Variants in TBC1D22A observed in about 807,000 individuals in gnomAD.
TBC1D22A encodes TBC1 domain family member 22A, also known as putative GTPase activator.
A neutral mutation model predicts 60.2 loss-of-function variants in TBC1D22A; 38 were observed. The ratio of observed to expected loss-of-function variants is 0.63; its 90% CI spans 0.49 to 0.83. The LOEUF is 0.83. Among genes scored for constraint, TBC1D22A ranks in the 40% least tolerant of loss-of-function variants. The pLI is 0.00. For synonymous variants in TBC1D22A, 302 were observed against 281.7 expected, an observed-to-expected ratio of 1.07 and a Z score of -0.72; for missense variants, 628 against 701.0, an observed-to-expected ratio of 0.90 and a Z score of 1.18.
chr22:47,114,314 G>A (rs1179375828), intron 12 of TBC1D22A, among the ~76,000 whole-genome samples: 1 of 152,042 alleles, frequency 6.6e-6, no homozygotes, highest in East Asian at 1.9e-4. Flanking sequence ...AGCCTGTGGG[G>A]CCCCTGTGAC....
At chr22:47,062,260 C>G (rs1050771373) in intron 11 of TBC1D22A, among the ~76,000 whole-genome samples, 2 of 152,102 alleles carry the variant, frequency 1.3e-5, no homozygotes, top group Admixed American at 1.3e-4. Context: ...AGGCCCTACC[C>G]AGGCCTCCTG....
intron 12 of TBC1D22A, among the ~76,000 whole-genome samples, chr22:47,170,634 C>T (rs1196794115): frequency 6.6e-6 from 1 of 150,486 alleles, no homozygotes; most frequent in East Asian, 2.0e-4. Context: ...TGATGCAGGA[C>T]CGGAGAGAGG....
At chr22:46,980,797 A>G (rs1325828984) in intron 9 of TBC1D22A, among the ~76,000 whole-genome samples, 1 of 152,262 alleles carries the variant, frequency 6.6e-6, no homozygotes, top group East Asian at 1.9e-4. Context: ...ATCTCCAGAA[A>G]GATGAGTTGA....
At chr22:46,766,154 C>G (rs1309460047) in intron 1 of TBC1D22A, among the ~76,000 whole-genome samples, 1 of 152,032 alleles carries the variant, frequency 6.6e-6, no homozygotes, top group African/African-American at 2.4e-5. Flanking sequence ...CCTGCCACCA[C>G]ACCTGGCTAA....
intron 9 of TBC1D22A, among the ~76,000 whole-genome samples, chr22:46,978,320 A>G (rs899095621): frequency 6.6e-6 from 1 of 152,268 alleles, no homozygotes. Flanking sequence ...TCAAATAGAG[A>G]AAATTAAAAA....
intron 4 of TBC1D22A, among the ~76,000 whole-genome samples, chr22:46,805,400 A>G (rs913452475): frequency 6.6e-6 from 1 of 152,214 alleles, no homozygotes; most frequent in Admixed American, 6.5e-5. Context: ...AACAAATTCA[A>G]AAGTTAAGTT....
intron 8 of TBC1D22A, among the ~76,000 whole-genome samples, chr22:46,959,057 G>A (rs1014663922): frequency 6.6e-6 from 1 of 152,200 alleles, no homozygotes; most frequent in Non-Finnish European, 1.5e-5. Flanking sequence ...TTATGAGAAT[G>A]TGTGCTCCCG....
intron 9 of TBC1D22A, among the ~76,000 whole-genome samples, chr22:46,989,478 T>C (rs2074852351): frequency 6.6e-6 from 1 of 152,210 alleles, no homozygotes; most frequent in Non-Finnish European, 1.5e-5. Flanking sequence ...AACACTTGAC[T>C]TAACCCATTG....
chr22:46,935,953 G>A (rs183790345), intron 8 of TBC1D22A, among the ~76,000 whole-genome samples: 176 of 152,222 alleles, frequency 1.2e-3, no homozygotes, highest in African/African-American at 4.1e-3. Context: ...GCTGTCTCCT[G>A]GCCCCTCCTC....
At chr22:47,153,808 C>T (rs187364109) in intron 12 of TBC1D22A, among the ~76,000 whole-genome samples, 13 of 152,210 alleles carry the variant, frequency 8.5e-5, no homozygotes, top group East Asian at 3.9e-4. Context: ...GGTGACTGGC[C>T]GAGTGCTGTC....
intron 10 of TBC1D22A, among the ~76,000 whole-genome samples, chr22:47,010,496 C>T (rs1489495817): frequency 6.6e-6 from 1 of 152,194 alleles, no homozygotes; most frequent in Non-Finnish European, 1.5e-5. Context: ...TTCTGGGAGG[C>T]GTGCTGTGTG....
intron 1 of TBC1D22A, among the ~76,000 whole-genome samples, chr22:46,784,378 A>G (rs910401269): frequency 6.6e-6 from 1 of 152,210 alleles, no homozygotes; most frequent in Non-Finnish European, 1.5e-5. Flanking sequence ...ATACTTTTTT[A>G]AAGACAGATT....
chr22:46,939,965 A>G (rs1172070006), intron 8 of TBC1D22A, among the ~76,000 whole-genome samples: 1 of 152,230 alleles, frequency 6.6e-6, no homozygotes, highest in Non-Finnish European at 1.5e-5. Context: ...GATATTGCCC[A>G]TTTTAGATCC....
At chr22:47,106,632 A>G (rs2065643249) in intron 11 of TBC1D22A, among the ~76,000 whole-genome samples, 1 of 152,242 alleles carries the variant, frequency 6.6e-6, no homozygotes, top group African/African-American at 2.4e-5. Flanking sequence ...GGAGCTTCTA[A>G]AGGTTGAATT....
At chr22:47,093,484 T>C (rs1008144018) in intron 11 of TBC1D22A, among the ~76,000 whole-genome samples, 1 of 152,136 alleles carries the variant, frequency 6.6e-6, no homozygotes, top group Non-Finnish European at 1.5e-5. Flanking sequence ...GGCTGCCTTG[T>C]TCACTCTCCC....
At chr22:47,062,373 A>G (rs1603215159) in intron 11 of TBC1D22A, among the ~76,000 whole-genome samples, 1 of 152,068 alleles carries the variant, frequency 6.6e-6, no homozygotes, top group Admixed American at 6.5e-5. Context: ...GTGAGGGAGG[A>G]TGAGGGCTGG....
intron 4 of TBC1D22A, among the ~76,000 whole-genome samples, chr22:46,862,233 G>T: frequency 6.6e-6 from 1 of 152,204 alleles, no homozygotes; most frequent in East Asian, 1.9e-4. Flanking sequence ...TTGTTCCCCA[G>T]CTCCATGAGG....
intron 4 of TBC1D22A, 92 bp downstream of exon 4, chr22:46,797,712 T>C: frequency 7.6e-7 from 1 of 1,322,852 alleles, no homozygotes; most frequent in Non-Finnish European, 1.0e-6. Flanking sequence ...TATGCTTATG[T>C]AATGCACACG....
intron 11 of TBC1D22A, among the ~76,000 whole-genome samples, chr22:47,070,696 C>T (rs1451838288): frequency 3.0e-4 from 17 of 56,036 alleles, no homozygotes; most frequent in Admixed American, 1.4e-3. Context: ...GCTGACCTGA[C>T]GGTTCCAGGC....
Sources: allele counts gnomAD v4.1 joint callset (sites outside exome capture counted in the v4.1 genomes callset), GRCh38; gene constraint gnomAD v4.1.1; transcripts MANE v1.5; gene names NCBI Gene and HGNC (gene_info 2026-07-23, HGNC 2026-07-21).